NUP54: variants seen among roughly 807,000 people sequenced by gnomAD.
NUP54 encodes the protein nucleoporin p54.
NUP54 carries 27 observed loss-of-function variants against 66.4 expected under a neutral mutation model. The observed-to-expected ratio is 0.41, with a 90% confidence interval of 0.30 to 0.56. NUP54 has a LOEUF of 0.56. NUP54 is among the 20% of genes least tolerant of loss of function. The pLI is 0.34. For missense variants in NUP54, 486 were observed against 596.3 expected (o/e 0.82, Z 1.93); for synonymous variants, 206 against 210.7 (o/e 0.98, Z 0.19).
chr4:76,147,537 G>A (rs1372881682), intron 1 of NUP54: 9 of 1,289,628 alleles, frequency 7.0e-6, no homozygotes, highest in Non-Finnish European at 9.1e-6. Flanking sequence ...TAGAAACACC[G>A]AAATTCCCAA....
chr4:76,145,585 G>A (rs775671898), intron 1 of NUP54: 23 of 1,271,946 alleles, frequency 1.8e-5, no homozygotes, highest in Admixed American at 5.0e-5. Context: ...TTTCTTGAAG[G>A]AAGAGATTTG....
At chr4:76,133,030 TATAC>T (rs1257157443) in intron 5 of NUP54, among the ~76,000 whole-genome samples, 1 of 143,736 alleles carries the variant, frequency 7.0e-6, no homozygotes, top group African/African-American at 2.6e-5. Flanking sequence ...TATGTGTGTC[TATAC>T]ATAAATATAT....
chr4:76,115,219 C>A lies in NUP54; in HGVS notation c.*147G>T, dbSNP rs1052276962. On this transcript the variant is annotated 3_prime_UTR_variant, in exon 12 of 12. Coordinates refer to ENST00000264883, the MANE Select transcript of NUP54 (RefSeq NM_017426.4). The stretch of plus-strand genomic sequence containing the variant: ...AGGTGACTATTTCAGATTTGATGAA[C>A]AGTAATTTGTCAGTAAACTTCTCAA... 1.7e-6 allele frequency: 1 copy of A among 579,976 alleles called. No individual in the cohort carries two copies. 35.9% of individuals were successfully genotyped at this position (579,976 alleles called of 1,614,324 possible).
intron 3 of NUP54, among the ~76,000 whole-genome samples, chr4:76,137,810 T>C (rs1731101876): frequency 6.6e-6 from 1 of 152,254 alleles, no homozygotes; most frequent in Non-Finnish European, 1.5e-5. Flanking sequence ...TTATTTACAC[T>C]ATATTTTCTT....
At position 76,134,110 on chromosome 4, in the gene NUP54, T is replaced by A. The variant is rs1038621800; in HGVS notation, c.710+65A>T. Reference sequence around the variant, plus strand: ...TTGTGCTTTAGCAACAAAAACATTATTGATCACTCCCTTAGGACCAGAAAT... The same window carrying A: ...TTGTGCTTTAGCAACAAAAACATTAATGATCACTCCCTTAGGACCAGAAAT... On this transcript the variant is annotated intron_variant, in intron 5 of 11. Coordinates refer to ENST00000264883, the MANE Select transcript of NUP54 (RefSeq NM_017426.4). 4 of 1,167,598 alleles carry A rather than the reference T, an allele frequency of 3.4e-6. No homozygotes were observed. The East Asian group carries it at 1.0e-4, about 29-fold the overall frequency. 72.3% of individuals were successfully genotyped at this position (1,167,598 alleles called of 1,614,324 possible).
chr4:76,115,429 A>G lies in NUP54; in HGVS notation c.1461T>C (p.Asp487=), dbSNP rs971998869. ...LISIIKDDLE[D]IKLVEHGLNE... is the part of the protein sequence containing the mutation. ...TCAATCCATGTTCGACCAGCTTTAT[A>G]TCTTCTAGATCGTCTTTAATGATGC... Residue 487 remains aspartate, a synonymous_variant, in exon 12 of 12, where the codon GAT becomes GAC. Coordinates refer to ENST00000264883, the MANE Select transcript of NUP54 (RefSeq NM_017426.4). 1 of 1,611,494 alleles carries G rather than the reference A, an allele frequency of 6.2e-7. No homozygotes were observed. Among genetic ancestry groups the G allele is most frequent in the Non-Finnish European group, 8.5e-7 (1 of 1,178,904 alleles).
chr4:76,146,204 A>T, intron 1 of NUP54: 2 of 351,102 alleles, frequency 5.7e-6, no homozygotes, highest in Non-Finnish European at 1.1e-5. Context: ...ATATAAAAGT[A>T]GTTAAAACAT....
chr4:76,115,260 A>G lies in NUP54; in HGVS notation c.*106T>C. ...AACTTCTCAAAAAACCAATCCAAGAAAGAATTGTTTTCTTTTTCCCTCCAT... is the reference window on the plus strand; with the variant it reads ...AACTTCTCAAAAAACCAATCCAAGAGAGAATTGTTTTCTTTTTCCCTCCAT... On this transcript the variant is annotated 3_prime_UTR_variant, in exon 12 of 12. Transcript: ENST00000264883. 1 of 1,057,156 alleles carries G rather than the reference A, an allele frequency of 9.5e-7. No homozygotes were observed. The highest frequency in any genetic ancestry group is 3.0e-5 in the South Asian group (1 of 33,764). 65.5% of individuals were successfully genotyped at this position (1,057,156 alleles called of 1,614,324 possible). A position where few individuals can be genotyped will look rare whatever the true frequency, so the allele number is the denominator to read the frequency against.
rs1404098040 is a variant in NUP54 at position 76,134,211 on chromosome 4, A to C, written c.674T>G (p.Val225Gly). The C allele has an allele frequency of 6.2e-7, 1 of 1,613,526 alleles. No individual in the cohort carries two copies. The highest frequency in any genetic ancestry group is 8.5e-7 in the Non-Finnish European group (1 of 1,179,562). The change falls in exon 5 of 12, where the codon GTA becomes GGA. Residue 225 changes from valine to glycine, a missense_variant. This residue lies in a region of NUP54 where 217 missense variants were observed against 247.9 expected (regional missense o/e 0.88). Coordinates refer to ENST00000264883, the MANE Select transcript of NUP54 (RefSeq NM_017426.4). Reference sequence around the variant, plus strand: ...CAATGTTTTAGTGCCCTCTACATTTACAGTAAGGGTCTGGTTTCCTCCCAA... The same window carrying C: ...CAATGTTTTAGTGCCCTCTACATTTCCAGTAAGGGTCTGGTTTCCTCCCAA... ...KVLGGNQTLT[V>G]NVEGTKTLPD... is the part of the protein sequence containing the mutation.
chr4:76,137,456 G>A (rs1731084816), intron 3 of NUP54, among the ~76,000 whole-genome samples: 1 of 152,128 alleles, frequency 6.6e-6, no homozygotes, highest in Admixed American at 6.5e-5. Flanking sequence ...CTTTATTGCT[G>A]TTATATTTAT....
chr4:76,117,851 G>T, intron 10 of NUP54, 77 bp from the exon 11 acceptor site: 2 of 1,248,332 alleles, frequency 1.6e-6, no homozygotes, highest in Non-Finnish European at 2.3e-6. Flanking sequence ...TGAAAGGATG[G>T]TTTCAAAACC....
intron 9 of NUP54, 120 bp from the exon 10 acceptor site, chr4:76,118,314 C>G: frequency 1.2e-6 from 1 of 852,132 alleles, no homozygotes; most frequent in East Asian, 2.5e-5. Flanking sequence ...TAGGGTTCAA[C>G]AGTTCAGGAT....
At position 76,144,156 on chromosome 4, in the gene NUP54, C is replaced by CTGT; in HGVS notation, c.287_288insACA (p.Gln97dup). On this transcript the variant is annotated inframe_insertion, in exon 3 of 12. Transcript: ENST00000264883. ...TGAAAACCTCATACTTACTAGTTTG[C>CTGT]TGCTGCTGCTGTGTATTAAATCCTC... 6.2e-7 allele frequency: 1 copy of CTGT among 1,607,014 alleles called. No homozygotes were observed. The highest frequency in any genetic ancestry group is 8.5e-7 in the Non-Finnish European group (1 of 1,175,788).
Position 76,136,327 on chromosome 4 carries a change from T to G in NUP54, c.381A>C (p.Pro127=). Residue 127 remains proline, a synonymous_variant, in exon 4 of 12, where the codon CCA becomes CCC. Transcript: ENST00000264883. The part of the protein sequence containing the change: ...LINTASALSA[P]TLLGDERDAI... ...CATCTCTCTCATCTCCCAACAGCGTTGGAGCAGAAAGAGCACTCGCAGTAT... is the reference window on the plus strand; with the variant it reads ...CATCTCTCTCATCTCCCAACAGCGTGGGAGCAGAAAGAGCACTCGCAGTAT... 1 of 1,614,090 alleles carries G rather than the reference T, an allele frequency of 6.2e-7. No individual in the cohort carries two copies. Among genetic ancestry groups the G allele is most frequent in the Non-Finnish European group, 8.5e-7 (1 of 1,179,972 alleles).
At chr4:76,123,609 T>C (rs953173988) in intron 9 of NUP54, among the ~76,000 whole-genome samples, 1 of 151,938 alleles carries the variant, frequency 6.6e-6, no homozygotes, top group African/African-American at 2.4e-5. Context: ...GCCTCCCAGG[T>C]TCAAGCAATT....
intron 3 of NUP54, among the ~76,000 whole-genome samples, chr4:76,141,182 G>A (rs2109905278): frequency 6.6e-6 from 1 of 152,250 alleles, no homozygotes; most frequent in African/African-American, 2.4e-5. Context: ...TCTATACTGA[G>A]ATAGGACAAG....
In NUP54 at chr4:76,132,746, A is replaced by G. The variant is rs141920931; in HGVS notation, c.711-27T>C. Reference sequence around the variant, plus strand: ...TGAAGGAAGAATAACCAATTTATAAAATATGGAGCACAAAACTCATAGCGA... The same window carrying G: ...TGAAGGAAGAATAACCAATTTATAAGATATGGAGCACAAAACTCATAGCGA... On this transcript the variant is annotated intron_variant, in intron 5 of 11. Transcript: ENST00000264883. 1,056 of 1,563,028 alleles carry G rather than the reference A, an allele frequency of 6.8e-4. 3 individuals carry two copies. In the African/African-American group the frequency reaches 0.012, roughly 18 times the overall value.
intron 9 of NUP54, among the ~76,000 whole-genome samples, chr4:76,119,820 T>C (rs1730148201): frequency 6.6e-6 from 1 of 152,238 alleles, no homozygotes; most frequent in South Asian, 2.1e-4. Context: ...CATACTCTCA[T>C]CCATGCTCCT....
At chr4:76,139,882 T>C (rs1731191213) in intron 3 of NUP54, among the ~76,000 whole-genome samples, 1 of 152,204 alleles carries the variant, frequency 6.6e-6, no homozygotes, top group Admixed American at 6.5e-5. Context: ...TGTTAGCATT[T>C]TTCATAAAGA....
Sources: allele counts gnomAD v4.1 joint callset (sites outside exome capture counted in the v4.1 genomes callset), GRCh38; gene constraint gnomAD v4.1.1; regional missense constraint gnomAD v4.1.1; transcripts MANE v1.5; gene names NCBI Gene and HGNC (gene_info 2026-07-23, HGNC 2026-07-21).